The following PLEKHG1 variants were observed in gnomAD, a reference collection of about 807,000 sequenced individuals.
PLEKHG1 encodes the protein pleckstrin homology domain-containing family G member 1.
In PLEKHG1, 44 loss-of-function variants were observed where a neutral mutation model predicts 100.8. The ratio of observed to expected loss-of-function variants is 0.44; its 90% confidence interval spans 0.34 to 0.56. The LOEUF (loss-of-function observed/expected upper bound fraction) is 0.56, where lower values mean the gene tolerates loss of function less well. Among genes scored for constraint, PLEKHG1 ranks in the 20% least tolerant of loss-of-function variants. PLEKHG1 has a pLI of 0.01. For missense variants in PLEKHG1, 1,545 were observed against 1,720.9 expected (o/e 0.90, Z 1.81); for synonymous variants, 640 against 662.5 (o/e 0.97, Z 0.52).
intron 1 of PLEKHG1, among the ~76,000 whole-genome samples, chr6:150,603,108 A>AG (rs1776435412): frequency 6.6e-6 from 1 of 150,884 alleles, no homozygotes; most frequent in African/African-American, 2.4e-5. Flanking sequence ...AAAAAAGAAA[A>AG]GAAAAAATTA....
At chr6:150,682,845 G>T (rs764099318) in intron 3 of PLEKHG1, among the ~76,000 whole-genome samples, 1 of 152,124 alleles carries the variant, frequency 6.6e-6, no homozygotes, top group Non-Finnish European at 1.5e-5. Context: ...CCCAAGAGAG[G>T]CATATGCGGG....
intron 3 of PLEKHG1, chr6:150,663,468 A>C (rs2128581457): frequency 6.6e-6 from 1 of 152,072 alleles, no homozygotes; most frequent in East Asian, 1.9e-4. Context: ...TCTAAAGTTC[A>C]TATTTTTATT....
chr6:150,655,707 C>CAAAAAAAAA (rs775753925), intron 3 of PLEKHG1, among the ~76,000 whole-genome samples: 6 of 38,356 alleles, frequency 1.6e-4, no homozygotes, highest in Non-Finnish European at 2.1e-4. Flanking sequence ...GACTCCATCT[C>CAAAAAAAAA]AAAAAAAAAA....
At chr6:150,690,369 G>A (rs1205714437) in intron 3 of PLEKHG1, among the ~76,000 whole-genome samples, 2 of 151,788 alleles carry the variant, frequency 1.3e-5, no homozygotes, top group East Asian at 1.9e-4. Context: ...ACTGTTTCTC[G>A]GTGCTGGGCT....
chr6:150,710,819 C>G (rs1365202957), intron 3 of PLEKHG1, among the ~76,000 whole-genome samples: 1 of 152,124 alleles, frequency 6.6e-6, no homozygotes, highest in African/African-American at 2.4e-5. Context: ...TTGACCTCTT[C>G]TCAACCTTCA....
intron 2 of PLEKHG1, among the ~76,000 whole-genome samples, chr6:150,759,132 G>A (rs557352045): frequency 6.6e-6 from 1 of 152,318 alleles, no homozygotes; most frequent in South Asian, 2.1e-4. Flanking sequence ...ATGTCTTAAA[G>A]GAGTGTAAAG....
chr6:150,840,795 C>G (rs1777492819), exon 16 of PLEKHG1: 1 of 1,614,114 alleles, frequency 6.2e-7, no homozygotes, highest in Non-Finnish European at 8.5e-7. Context: ...TTCTGACAAA[C>G]TGAATGACTA....
rs1562427503 is a variant in PLEKHG1 at position 150,674,632 on chromosome 6, C to CTCTCTCTCTCT, written c.-99+23846_-99+23847insTCTCTCTCTCT. 5.2e-3 allele frequency among the ~76,000 whole-genome samples: 347 copies of CTCTCTCTCTCT among 66,274 alleles called. 40 individuals are homozygous for CTCTCTCTCTCT. Among genetic ancestry groups the CTCTCTCTCTCT allele is most frequent in the Middle Eastern group, 0.021 (2 of 96 alleles). 43.5% of individuals were successfully genotyped at this position (66,274 alleles called of 152,430 possible). A position where few individuals can be genotyped will look rare whatever the true frequency, so the allele number is the denominator to read the frequency against. On this transcript the variant is annotated intron_variant, in intron 3 of 3. Coordinates refer to the PLEKHG1 transcript ENST00000367326. ...CACCTGTAACTTTCTCTCTCTCCTC[C>CTCTCTCTCTCT]CTCTCTCTCTCTCTCTCTCTCTCTC...
At chr6:150,723,606 T>A (rs776859999) in intron 1 of PLEKHG1, among the ~76,000 whole-genome samples, 1 of 152,194 alleles carries the variant, frequency 6.6e-6, no homozygotes, top group Non-Finnish European at 1.5e-5. Context: ...CTATACAGTT[T>A]TCAAAAAGTA....
intron 3 of PLEKHG1, among the ~76,000 whole-genome samples, chr6:150,782,295 G>A: frequency 6.6e-6 from 1 of 152,134 alleles, no homozygotes; most frequent in East Asian, 1.9e-4. Flanking sequence ...GTGGGAGGCT[G>A]AGGTAGGAGA....
intron 2 of PLEKHG1, among the ~76,000 whole-genome samples, chr6:150,746,801 C>A (rs971419463): frequency 2.6e-5 from 4 of 152,144 alleles, no homozygotes; most frequent in Admixed American, 2.0e-4. Context: ...AGAGTGAGTG[C>A]ATTAAAGGAG....
chr6:150,807,914 A>C (rs951782869), intron 7 of PLEKHG1, among the ~76,000 whole-genome samples: 3 of 152,206 alleles, frequency 2.0e-5, no homozygotes, highest in Non-Finnish European at 4.4e-5. Flanking sequence ...GGTTGCAGTG[A>C]GCCGAGATTG....
At chr6:150,618,923 A>T (rs939938339) in intron 1 of PLEKHG1, among the ~76,000 whole-genome samples, 30 of 151,812 alleles carry the variant, frequency 2.0e-4, no homozygotes, top group African/African-American at 5.3e-4. Flanking sequence ...TATAAAGAAA[A>T]TTTTTTTTAA....
At position 150,739,351 on chromosome 6, in the gene PLEKHG1, A is replaced by G. The variant is rs538380793; in HGVS notation, c.411+5259A>G. On this transcript the variant is annotated intron_variant, in intron 2 of 15. Coordinates refer to ENST00000358517, the Ensembl canonical transcript of PLEKHG1. ...ATATCCTTTTCATGGACCTTTATCC[A>G]TAAAGTGTATTTTAAAAAAAAAGCT... 1.5e-3 allele frequency among the ~76,000 whole-genome samples: 228 copies of G among 152,216 alleles called. No individual in the cohort carries two copies. The Middle Eastern group carries it at 0.024, about 16-fold the overall frequency.
chr6:150,684,460 T>A (rs1780044096), intron 3 of PLEKHG1, among the ~76,000 whole-genome samples: 1 of 152,240 alleles, frequency 6.6e-6, no homozygotes, highest in African/African-American at 2.4e-5. Context: ...TGGCTCCATC[T>A]GCCTACTTTC....
At chr6:150,695,505 A>G (rs971028697) in intron 3 of PLEKHG1, among the ~76,000 whole-genome samples, 2 of 152,214 alleles carry the variant, frequency 1.3e-5, no homozygotes, top group Non-Finnish European at 2.9e-5. Flanking sequence ...TTGAAAATTT[A>G]AAGTATAGGG....
At chr6:150,602,711 G>T (rs1208862666) in intron 1 of PLEKHG1, among the ~76,000 whole-genome samples, 1 of 152,088 alleles carries the variant, frequency 6.6e-6, no homozygotes, top group East Asian at 1.9e-4. Context: ...GTATGATTTT[G>T]CAGAAGTTTA....
intron 3 of PLEKHG1, among the ~76,000 whole-genome samples, chr6:150,656,294 G>T (rs1171173369): frequency 1.3e-5 from 2 of 151,978 alleles, no homozygotes; most frequent in African/African-American, 4.8e-5. Flanking sequence ...AAAAATACTT[G>T]TTTTCTCTCA....
chr6:150,830,324 A>G (rs1483413317), intron 14 of PLEKHG1, among the ~76,000 whole-genome samples: 4 of 152,168 alleles, frequency 2.6e-5, no homozygotes, highest in Admixed American at 6.5e-5. Context: ...AGTGCTTTTC[A>G]AGTCAGTTAA....
Sources: allele counts gnomAD v4.1 joint callset (sites outside exome capture counted in the v4.1 genomes callset), GRCh38; gene constraint gnomAD v4.1.1; transcripts MANE v1.5; gene names NCBI Gene and HGNC (gene_info 2026-07-23, HGNC 2026-07-21).